The following CEP20 variants were observed in gnomAD, a reference collection of about 807,000 sequenced individuals.
The protein encoded by CEP20 is centrosomal protein 20.
A neutral mutation model predicts 20.0 loss-of-function variants in CEP20; 18 were observed. That is an observed-to-expected ratio of 0.90 (90% CI 0.62 to 1.34). The LOEUF (loss-of-function observed/expected upper bound fraction) is 1.34, where lower values mean the gene tolerates loss of function less well. CEP20 is among the 40% of genes most tolerant of loss of function. The probability of loss-of-function intolerance (pLI) is 0.00; values close to 1 mark genes in which losing one functional copy is unlikely to be tolerated. For missense variants in CEP20, 215 were observed against 201.6 expected (o/e 1.07, Z -0.40); for synonymous variants, 77 against 73.7 (o/e 1.04, Z -0.23).
intron 3 of CEP20, chr16:15,877,087 C>T (rs1401269836): frequency 6.6e-6 from 1 of 152,110 alleles, no homozygotes; most frequent in Admixed American, 6.6e-5. Flanking sequence ...TTCCTAACCT[C>T]GTGATCTGCC....
At chr16:15,876,616 A>G (rs542051549) in intron 3 of CEP20, among the ~76,000 whole-genome samples, 1 of 152,158 alleles carries the variant, frequency 6.6e-6, no homozygotes, top group Non-Finnish European at 1.5e-5. Flanking sequence ...CAGGCATGTC[A>G]TTTTAAAACC....
chr16:15,868,418 TGTCTC>T (rs2151418556), intron 4 of CEP20, among the ~76,000 whole-genome samples: 1 of 151,836 alleles, frequency 6.6e-6, no homozygotes, highest in Admixed American at 6.6e-5. Context: ...GCAAGACTCT[TGTCTC>T]GAGAAGAAAA....
intron 1 of CEP20, chr16:15,885,563 T>G (rs1209081077): frequency 2.0e-5 from 3 of 152,130 alleles, no homozygotes; most frequent in Admixed American, 6.5e-5. Context: ...TGGCTAATTT[T>G]TGTATTTTTA....
At position 15,888,579 on chromosome 16, in the gene CEP20, T is replaced by C. The variant is rs145630355; in HGVS notation, c.7A>G (p.Thr3Ala). ...TCACCAGCCTTCAACTCTGCCACAG[T>C]CGCCATTTTTCAACGGCCGCCAGGG... MA[T>A]VAELKAVLKD... The change falls in exon 1 of 5, where the codon ACT (threonine) becomes GCT (alanine). Residue 3 changes from threonine (T) to alanine (A), a missense_variant. Coordinates refer to ENST00000255759, the MANE Select transcript of CEP20 (RefSeq NM_144600.4). 4 of 1,614,084 alleles carry C rather than the reference T, an allele frequency of 2.5e-6. No homozygotes were observed. The highest frequency in any genetic ancestry group is 1.1e-5 in the South Asian group (1 of 91,080).
At chr16:15,876,568 T>C (rs2044954587) in intron 3 of CEP20, among the ~76,000 whole-genome samples, 1 of 151,994 alleles carries the variant, frequency 6.6e-6, no homozygotes, top group African/African-American at 2.4e-5. Flanking sequence ...TGGATTTAAG[T>C]AATCTTCTTG....
At position 15,878,806 on chromosome 16, in the gene CEP20, G is replaced by T. The variant is rs2045022511; in HGVS notation, c.311+998C>A. On this transcript the variant is annotated intron_variant, in intron 3 of 4. Coordinates refer to ENST00000255759, the MANE Select transcript of CEP20 (RefSeq NM_144600.4). Reference sequence around the variant, plus strand: ...GAGCCACCACGTCTGGCTAGAGATGGGGTTTCCCCATGTTGTCCAGGCTAG... The same window carrying T: ...GAGCCACCACGTCTGGCTAGAGATGTGGTTTCCCCATGTTGTCCAGGCTAG... 3.3e-5 allele frequency among the ~76,000 whole-genome samples: 5 copies of T among 152,164 alleles called. No individual in the cohort carries two copies. The South Asian group carries it at 1.0e-3, about 32-fold the overall frequency.
intron 3 of CEP20, among the ~76,000 whole-genome samples, chr16:15,875,722 C>T (rs959298295): frequency 2.6e-5 from 4 of 152,158 alleles, no homozygotes; most frequent in Admixed American, 6.5e-5. Flanking sequence ...CTTCATATAT[C>T]TGGCAAAAAA....
chr16:15,869,700 T>C (rs530365693), intron 4 of CEP20, among the ~76,000 whole-genome samples: 53 of 152,240 alleles, frequency 3.5e-4, no homozygotes, highest in African/African-American at 1.3e-3. Flanking sequence ...TGCTGTGATG[T>C]AGAATAAGGA....
At chr16:15,874,475 C>T (rs2044895564) in intron 3 of CEP20, among the ~76,000 whole-genome samples, 1 of 152,164 alleles carries the variant, frequency 6.6e-6, no homozygotes, top group African/African-American at 2.4e-5. Flanking sequence ...CCCCAAATCC[C>T]ATATTGTTTT....
chr16:15,884,808 C>T (rs1054578677), intron 1 of CEP20, among the ~76,000 whole-genome samples: 2 of 152,104 alleles, frequency 1.3e-5, no homozygotes, highest in African/African-American at 4.8e-5. Context: ...CCGGCCAATA[C>T]ATAATTCTTT....
intron 1 of CEP20, among the ~76,000 whole-genome samples, chr16:15,884,860 T>A (rs910049529): frequency 6.6e-6 from 1 of 152,180 alleles, no homozygotes; most frequent in African/African-American, 2.4e-5. Context: ...AGTTGCTTAC[T>A]GAGACCTGAA....
chr16:15,872,090 G>A (rs1003084261), intron 4 of CEP20, among the ~76,000 whole-genome samples: 1 of 152,086 alleles, frequency 6.6e-6, no homozygotes, highest in Non-Finnish European at 1.5e-5. Flanking sequence ...CAAGGTGGGC[G>A]GATCATGAGG....
At chr16:15,887,310 C>T (rs1487568541) in intron 1 of CEP20, among the ~76,000 whole-genome samples, 1 of 152,128 alleles carries the variant, frequency 6.6e-6, no homozygotes, top group Non-Finnish European at 1.5e-5. Flanking sequence ...AGATGCATGC[C>T]TGTTCTGTTT....
At chr16:15,881,060 T>C (rs2045085999) in intron 2 of CEP20, among the ~76,000 whole-genome samples, 1 of 152,074 alleles carries the variant, frequency 6.6e-6, no homozygotes, top group African/African-American at 2.4e-5. Context: ...GCTTGAATCA[T>C]CCCGAACCAT....
At chr16:15,869,973 G>A (rs951330359) in intron 4 of CEP20, among the ~76,000 whole-genome samples, 2 of 152,176 alleles carry the variant, frequency 1.3e-5, no homozygotes, top group African/African-American at 2.4e-5. Context: ...GCTTTCCACA[G>A]AACAGGCACC....
chr16:15,887,344 C>T (rs962181755), intron 1 of CEP20, among the ~76,000 whole-genome samples: 10 of 152,128 alleles, frequency 6.6e-5, no homozygotes, highest in Admixed American at 3.9e-4. Flanking sequence ...CAGCCCTGTC[C>T]CCAAATACAC....
At chr16:15,880,985 T>G (rs2045083460) in intron 2 of CEP20, among the ~76,000 whole-genome samples, 1 of 151,916 alleles carries the variant, frequency 6.6e-6, no homozygotes. Context: ...TTATGGTGAG[T>G]TATAATTATT....
At chr16:15,869,591 G>C (rs1266373733) in intron 4 of CEP20, among the ~76,000 whole-genome samples, 1 of 152,092 alleles carries the variant, frequency 6.6e-6, no homozygotes, top group Non-Finnish European at 1.5e-5. Context: ...GATTACAGGG[G>C]TGAGCTGCCG....
intron 3 of CEP20, among the ~76,000 whole-genome samples, chr16:15,875,742 G>A (rs537494651): frequency 5.3e-5 from 8 of 152,316 alleles, no homozygotes; most frequent in African/African-American, 1.9e-4. Context: ...ATCATCAGAT[G>A]GCAAGGGTTG....
Sources: allele counts gnomAD v4.1 joint callset (sites outside exome capture counted in the v4.1 genomes callset), GRCh38; gene constraint gnomAD v4.1.1; transcripts MANE v1.5; gene names NCBI Gene and HGNC (gene_info 2026-07-23, HGNC 2026-07-21).